Variants in PBX1 observed in about 807,000 individuals in gnomAD.
PBX1 encodes the protein pre-B-cell leukemia transcription factor 1.
A neutral mutation model predicts 53.4 loss-of-function variants in PBX1; 6 were observed. That is an observed-to-expected ratio of 0.11 (90% CI 0.06 to 0.22). PBX1 has a LOEUF of 0.22. PBX1 is among the 10% of genes least tolerant of loss of function. PBX1 has a pLI of 1.00. For missense variants in PBX1, 251 were observed against 551.4 expected (o/e 0.46, Z 5.46); for synonymous variants, 204 against 212.3 (o/e 0.96, Z 0.34).
intron 2 of PBX1, among the ~76,000 whole-genome samples, chr1:164,709,458 A>G (rs372329836): frequency 2.6e-5 from 4 of 152,184 alleles, no homozygotes; most frequent in African/African-American, 7.2e-5. Flanking sequence ...TGCTGAGCCA[A>G]CTCATGAGTT....
chr1:164,860,729 G>C (rs1288704111), intron 2 of PBX1, among the ~76,000 whole-genome samples: 1 of 152,070 alleles, frequency 6.6e-6, no homozygotes, highest in African/African-American at 2.4e-5. Flanking sequence ...GTGTGTCTTT[G>C]GTCCTGCCTT....
intron 7 of PBX1, among the ~76,000 whole-genome samples, chr1:164,821,054 A>G (rs1163482167): frequency 6.6e-6 from 1 of 152,228 alleles, no homozygotes; most frequent in East Asian, 1.9e-4. Context: ...ACTGGCCATC[A>G]CTTAAGTCCT....
intron 2 of PBX1, among the ~76,000 whole-genome samples, chr1:164,607,159 T>C (rs969952326): frequency 1.3e-5 from 2 of 152,020 alleles, no homozygotes; most frequent in African/African-American, 4.8e-5. Flanking sequence ...TTGGGGACTA[T>C]TGAAAAATCA....
chr1:164,823,456 G>A lies in PBX1; in HGVS notation c.1200+1830G>A, dbSNP rs149589554. On this transcript the variant is annotated intron_variant, in intron 8 of 8. Coordinates refer to ENST00000420696, the MANE Select transcript of PBX1 (RefSeq NM_002585.4). ...AGCAGAAGAGAAGAACATGAGGAAA[G>A]CACAAGAGTGTAGGGACAAGAACCT... is the stretch of plus-strand genomic sequence containing the variant. Among the ~76,000 whole-genome samples the A allele has an allele frequency of 3.4e-3, 513 of 152,296 alleles. 2 individuals are homozygous for A. Among genetic ancestry groups the A allele is most frequent in the Non-Finnish European group, 5.0e-3 (339 of 68,026 alleles).
chr1:164,791,349 C>T (rs939738579), intron 2 of PBX1, among the ~76,000 whole-genome samples: 6 of 152,194 alleles, frequency 3.9e-5, no homozygotes, highest in East Asian at 1.9e-4. Flanking sequence ...TGATCTGAGA[C>T]GCCATCCTAC....
rs73029037 is a variant in PBX1, at chr1:164,794,867, G to A, written c.510+2129G>A. On this transcript the variant is annotated intron_variant, in intron 3 of 8. Transcript: ENST00000420696. ...AGGACACAAGACAAGCCCAGAGTGC[G>A]ACTTCCTTCACTAAACCATAATTGC... is the stretch of plus-strand genomic sequence containing the variant. Among the ~76,000 whole-genome samples, 305 of 152,272 alleles carry A rather than the reference G, an allele frequency of 2.0e-3. 2 individuals are homozygous for A. The highest frequency in any genetic ancestry group is 6.8e-3 in the African/African-American group (284 of 41,550).
intron 2 of PBX1, among the ~76,000 whole-genome samples, chr1:164,877,396 C>G (rs1460926396): frequency 2.6e-5 from 4 of 152,194 alleles, no homozygotes; most frequent in African/African-American, 9.6e-5. Flanking sequence ...GGCACAGTGG[C>G]TCACGCCTGT....
intron 6 of PBX1, chr1:164,815,789 C>T (rs558501773): frequency 1.3e-5 from 2 of 152,286 alleles, no homozygotes; most frequent in South Asian, 2.1e-4. Flanking sequence ...CCTGGTCTCT[C>T]CTTTGACCTG....
intron 8 of PBX1, among the ~76,000 whole-genome samples, chr1:164,832,987 G>A (rs1224963170): frequency 2.0e-5 from 3 of 151,408 alleles, no homozygotes; most frequent in Non-Finnish European, 3.0e-5. Context: ...AAAACAATAA[G>A]GAGAGAAAAT....
chr1:164,866,666 A>T (rs1204254565), intron 2 of PBX1, among the ~76,000 whole-genome samples: 1 of 152,208 alleles, frequency 6.6e-6, no homozygotes, highest in Non-Finnish European at 1.5e-5. Context: ...CATGACTTAG[A>T]TGCTAATTCA....
intron 2 of PBX1, among the ~76,000 whole-genome samples, chr1:164,621,314 CTCTT>C (rs1388833473): frequency 6.6e-6 from 1 of 152,246 alleles, no homozygotes; most frequent in African/African-American, 2.4e-5. Flanking sequence ...AGTCTTCCTT[CTCTT>C]TCTGTCTGTC....
chr1:164,845,954 T>C (rs1216155647), intron 8 of PBX1, among the ~76,000 whole-genome samples: 1 of 152,216 alleles, frequency 6.6e-6, no homozygotes, highest in Non-Finnish European at 1.5e-5. Context: ...CATTTGAAAC[T>C]TCATAGCAAT....
chr1:164,638,951 A>T (rs138575023), intron 2 of PBX1, among the ~76,000 whole-genome samples: 1 of 152,280 alleles, frequency 6.6e-6, no homozygotes, highest in Non-Finnish European at 1.5e-5. Flanking sequence ...CCCTCCTGGG[A>T]TGAGTAGGTA....
At chr1:164,722,355 G>A (rs1664458844) in intron 2 of PBX1, among the ~76,000 whole-genome samples, 1 of 152,092 alleles carries the variant, frequency 6.6e-6, no homozygotes, top group Non-Finnish European at 1.5e-5. Flanking sequence ...GGAGAGTGCT[G>A]GACATCTCCC....
intron 2 of PBX1, among the ~76,000 whole-genome samples, chr1:164,599,693 T>C (rs1230486389): frequency 2.6e-5 from 4 of 152,170 alleles, no homozygotes; most frequent in Non-Finnish European, 4.4e-5. Flanking sequence ...TGTTATATAA[T>C]ATAAATGCTT....
rs1164633979 is a variant in PBX1, at chr1:164,870,226, C to T, written n.258-28962C>T. Among the ~76,000 whole-genome samples the T allele has an allele frequency of 1.4e-3, 48 of 34,770 alleles. 2 individuals carry two copies. Among genetic ancestry groups the T allele is most frequent in the African/African-American group, 3.5e-3 (30 of 8,476 alleles). The allele number at this position is 34,770 out of a possible 152,430, so 22.8% of individuals were successfully genotyped here. ...TTTCTTTCTTTTCTTTCTTTCCTTC[C>T]TTCCTTCCTTCCTTCCTTCCTTCCT... On this transcript the variant is annotated intron_variant and non_coding_transcript_variant, in intron 2 of 2. Transcript: ENST00000558796.
intron 4 of PBX1, among the ~76,000 whole-genome samples, chr1:164,801,927 A>C (rs1466102642): frequency 6.6e-6 from 1 of 152,230 alleles, no homozygotes; most frequent in Non-Finnish European, 1.5e-5. Context: ...ATTCACATCA[A>C]TGCCTCCAGC....
rs371586242 is a variant in PBX1, at chr1:164,879,672, TC to T, written n.258-19515del. The stretch of plus-strand genomic sequence containing the variant: ...TGGATGGAGTAAGTCAACACGGTAG[TC>T]ATGATGGTTAAATGTGTTTGGCCCA... On this transcript the variant is annotated intron_variant and non_coding_transcript_variant, in intron 2 of 2. Transcript: ENST00000558796. Among the ~76,000 whole-genome samples, 1,066 of 152,286 alleles carry T rather than the reference TC, an allele frequency of 7.0e-3. 5 individuals carry two copies. Among genetic ancestry groups the T allele is most frequent in the Non-Finnish European group, 0.011 (775 of 68,028 alleles).
chr1:164,579,286 C>A (rs2101735212), intron 2 of PBX1, among the ~76,000 whole-genome samples: 1 of 152,158 alleles, frequency 6.6e-6, no homozygotes, highest in Non-Finnish European at 1.5e-5. Context: ...TGTGCATTGT[C>A]TTCCATTTTT....
Sources: gnomAD v4.1 joint callset for allele counts (sites outside exome capture counted in the v4.1 genomes callset) on GRCh38, gnomAD v4.1.1 for gene constraint, MANE v1.5 for transcripts, NCBI Gene and HGNC (gene_info 2026-07-23, HGNC 2026-07-21) for gene names.